Variants in APBA2 observed in about 807,000 individuals in gnomAD.
APBA2 encodes the protein amyloid beta precursor protein binding family A member 2.
APBA2 carries 30 observed loss-of-function variants against 75.0 expected under a neutral mutation model. The ratio of observed to expected loss-of-function variants is 0.40; its 90% CI spans 0.30 to 0.54. The LOEUF (loss-of-function observed/expected upper bound fraction) is 0.54, where lower values mean the gene tolerates loss of function less well. APBA2 is among the 20% of genes least tolerant of loss of function. The pLI, the probability that APBA2 is intolerant of heterozygous loss-of-function variation, is 0.49. For missense variants in APBA2, 801 were observed against 1,016.1 expected, an observed-to-expected ratio of 0.79 and a Z score of 2.88; for synonymous variants, 444 against 409.6, an observed-to-expected ratio of 1.08 and a Z score of -1.01.
At chr15:29,105,611 C>G (rs1297972522) in intron 11 of APBA2, 53 bp downstream of exon 11, 2 of 1,598,918 alleles carry the variant, frequency 1.3e-6, no homozygotes, top group African/African-American at 2.7e-5. Context: ...CTTCTGCTCC[C>G]TGAGCTCCTG....
chr15:29,001,976 C>G (rs1353555983), intron 3 of APBA2, among the ~76,000 whole-genome samples: 1 of 152,130 alleles, frequency 6.6e-6, no homozygotes, highest in African/African-American at 2.4e-5. Context: ...AGTGTGCAAG[C>G]TGGCATTCTC....
chr15:28,891,475 C>G (rs149404663), intron 1 of APBA2, among the ~76,000 whole-genome samples: 1 of 151,860 alleles, frequency 6.6e-6, no homozygotes, highest in African/African-American at 2.4e-5. Flanking sequence ...CAACACGTGC[C>G]GAGAGACTGA....
intron 2 of APBA2, among the ~76,000 whole-genome samples, chr15:28,951,008 G>C (rs1449644935): frequency 6.6e-6 from 1 of 152,128 alleles, no homozygotes; most frequent in African/African-American, 2.4e-5. Flanking sequence ...AGTACAGTCA[G>C]TTGGCCATAT....
chr15:29,079,307 T>G (rs1472507943), intron 6 of APBA2, among the ~76,000 whole-genome samples: 1 of 152,060 alleles, frequency 6.6e-6, no homozygotes, highest in African/African-American at 2.4e-5. Context: ...AGACTAGCTG[T>G]GTGGGTGCAG....
At chr15:29,021,634 A>T (rs1222510270) in intron 3 of APBA2, among the ~76,000 whole-genome samples, 1 of 152,170 alleles carries the variant, frequency 6.6e-6, no homozygotes, top group Non-Finnish European at 1.5e-5. Flanking sequence ...TATTACGATG[A>T]TGATGATTTG....
intron 4 of APBA2, among the ~76,000 whole-genome samples, chr15:29,064,392 G>A (rs1469410497): frequency 6.6e-6 from 1 of 152,156 alleles, no homozygotes. Context: ...GTTGGCACTG[G>A]GACTGCAAAG....
chr15:29,113,646 G>T lies in APBA2; in HGVS notation c.2038-230G>T, dbSNP rs146925557. On this transcript the variant is annotated intron_variant, in intron 13 of 14. Transcript: ENST00000683413. ...GTGCAGCTGGGGGACAGGTTCCACCGTGGGAGTCAGAAAACTTGGTGGTTC... is the reference window on the plus strand; with the variant it reads ...GTGCAGCTGGGGGACAGGTTCCACCTTGGGAGTCAGAAAACTTGGTGGTTC... Among the ~76,000 whole-genome samples, 351 of 152,302 alleles carry T rather than the reference G, an allele frequency of 2.3e-3. 1 individual carries two copies. Among genetic ancestry groups the T allele is most frequent in the African/African-American group, 7.8e-3 (325 of 41,558 alleles).
rs568829707 is a variant in APBA2, at chr15:28,887,628, A to G, written c.-205+1350A>G. ...GACCGTGGGGGCTGCTTCCCCCTGC[A>G]GCCTGGGCTGGAGAGGGTCTCCTGA... On this transcript the variant is annotated intron_variant, in intron 1 of 14. Coordinates refer to ENST00000683413, the MANE Select transcript of APBA2 (RefSeq NM_001353788.2). 4.6e-5 allele frequency among the ~76,000 whole-genome samples: 7 copies of G among 152,252 alleles called. No individual in the cohort carries two copies. In the South Asian group the frequency reaches 1.5e-3, roughly 32 times the overall value.
At chr15:29,056,602 C>T (rs1350871051) in intron 4 of APBA2, among the ~76,000 whole-genome samples, 285 of 2,542 alleles carry the variant, frequency 0.11, 14 homozygotes, top group African/African-American at 0.18. Flanking sequence ...CCCTCCCTCC[C>T]TCCCTCCCTC....
At chr15:29,113,103 G>C (rs1358225443) in intron 13 of APBA2, among the ~76,000 whole-genome samples, 1 of 152,150 alleles carries the variant, frequency 6.6e-6, no homozygotes, top group African/African-American at 2.4e-5. Flanking sequence ...GCTAGTCCGT[G>C]CTGTCACCCT....
intron 2 of APBA2, among the ~76,000 whole-genome samples, chr15:28,976,287 G>A (rs2037332943): frequency 6.6e-6 from 1 of 152,140 alleles, no homozygotes; most frequent in South Asian, 2.1e-4. Flanking sequence ...AATGACAGTT[G>A]GCTTTCATTC....
chr15:28,955,801 G>A (rs1171904466), intron 2 of APBA2, among the ~76,000 whole-genome samples: 1 of 152,208 alleles, frequency 6.6e-6, no homozygotes, highest in Non-Finnish European at 1.5e-5. Flanking sequence ...CTGAGGGTCG[G>A]GCCAAGGCCT....
At chr15:29,085,619 G>A (rs1290404355) in intron 6 of APBA2, among the ~76,000 whole-genome samples, 1 of 152,034 alleles carries the variant, frequency 6.6e-6, no homozygotes, top group Non-Finnish European at 1.5e-5. Flanking sequence ...CACAGTTGAT[G>A]TGTTTTGTGT....
intron 3 of APBA2, among the ~76,000 whole-genome samples, chr15:29,028,960 C>G (rs1237265392): frequency 1.3e-5 from 2 of 152,058 alleles, no homozygotes; most frequent in African/African-American, 4.8e-5. Flanking sequence ...TGTGGGTTGC[C>G]TGTTTGCTGT....
Position 29,005,343 on chromosome 15 carries a change from C to A in APBA2, c.-41+9537C>A, listed in dbSNP as rs537036007. On this transcript the variant is annotated intron_variant, in intron 3 of 14. Transcript: ENST00000683413. ...TGCTGCAATCTCAGCTCACTGCAGCCTCAACCTCCTGGGCTCAAGCGGTCC... is the reference window on the plus strand; with the variant it reads ...TGCTGCAATCTCAGCTCACTGCAGCATCAACCTCCTGGGCTCAAGCGGTCC... 7.2e-5 allele frequency among the ~76,000 whole-genome samples: 11 copies of A among 152,240 alleles called. No individual in the cohort carries two copies. In the South Asian group the frequency reaches 2.3e-3, roughly 32 times the overall value.
chr15:29,072,790 G>A (rs1037183552), intron 4 of APBA2, among the ~76,000 whole-genome samples: 5 of 152,156 alleles, frequency 3.3e-5, no homozygotes, highest in East Asian at 1.9e-4. Context: ...GTGAGCCCCT[G>A]TGGGGCTCAG....
chr15:28,966,289 G>A (rs1394053384), intron 2 of APBA2, among the ~76,000 whole-genome samples: 1 of 151,922 alleles, frequency 6.6e-6, no homozygotes, highest in Non-Finnish European at 1.5e-5. Flanking sequence ...GCTCAGAGTG[G>A]GTACTGACAT....
rs1298742133 is a variant in APBA2 at position 29,098,566 on chromosome 15, C to T, written c.1328C>T (p.Ala443Val). 7 of 1,613,436 alleles carry T rather than the reference C, an allele frequency of 4.3e-6. No individual in the cohort carries two copies. Among genetic ancestry groups the T allele is most frequent in the East Asian group, 2.2e-5 (1 of 44,890 alleles). The change falls in exon 9 of 15, where the codon GCA becomes GTA. Residue 443 changes from alanine to valine, a missense_variant. Ala to Val is a moderately conservative substitution (Grantham distance 64). Transcript: ENST00000683413. ...ACCCAGAGGATCAAGGTTTTAAATG[C>T]AGACACGCAGGTAAGCGTTTAAGAC... The part of the protein sequence containing the change: ...ISTQRIKVLN[A>V]DTQETMMDHA...
chr15:28,993,506 C>T lies in APBA2; in HGVS notation c.-94-2247C>T, dbSNP rs1476582838. ...AGGGTGGTGGACAGGGGCCCAGAGG[C>T]CTGATTCCTCCACCCTCCGCAAAGG... On this transcript the variant is annotated intron_variant, in intron 2 of 14. Transcript: ENST00000683413. Among the ~76,000 whole-genome samples, 8 of 152,104 alleles carry T rather than the reference C, an allele frequency of 5.3e-5. No individual in the cohort carries two copies. In the East Asian group the frequency reaches 1.5e-3, roughly 29 times the overall value.
Sources: gnomAD v4.1 joint callset for allele counts (sites outside exome capture counted in the v4.1 genomes callset) on GRCh38, gnomAD v4.1.1 for gene constraint, MANE v1.5 for transcripts, NCBI Gene and HGNC (gene_info 2026-07-23, HGNC 2026-07-21) for gene names.